Variants in ARK2N observed in about 807,000 individuals in gnomAD.
The protein encoded by ARK2N is arkadia (RNF111) N-terminal like PKA signaling regulator 2N, also known as protein ARK2N.
chr18:46,222,369 A>G, the ARK2N span, among the ~76,000 whole-genome samples: 2 of 152,244 alleles, frequency 1.3e-5, no homozygotes, highest in African/African-American at 2.4e-5. Flanking sequence ...GCACAGTTCT[A>G]TATTAATTAA....
the ARK2N span, chr18:46,173,591 T>G: frequency 1.3e-5 from 2 of 151,782 alleles, no homozygotes; most frequent in African/African-American, 4.8e-5. Flanking sequence ...CTCAGCCGAG[T>G]CTCCCCGAGC....
the ARK2N span, among the ~76,000 whole-genome samples, chr18:46,178,843 G>T: frequency 6.6e-6 from 1 of 151,084 alleles, no homozygotes; most frequent in East Asian, 2.0e-4. Flanking sequence ...GAGCCCAGGG[G>T]TTTGTGGCTG....
the ARK2N span, among the ~76,000 whole-genome samples, chr18:46,175,761 A>G: frequency 2.0e-5 from 3 of 152,146 alleles, no homozygotes; most frequent in Admixed American, 6.5e-5. Context: ...TTGGCTTCCC[A>G]AAGTGCTGGG....
chr18:46,229,760 T>C, the ARK2N span, among the ~76,000 whole-genome samples: 2 of 151,910 alleles, frequency 1.3e-5, no homozygotes, highest in African/African-American at 2.4e-5. Context: ...TGTGCCACCA[T>C]GTCTGGCTAA....
chr18:46,242,223 C>G, the ARK2N span, among the ~76,000 whole-genome samples: 1 of 152,102 alleles, frequency 6.6e-6, no homozygotes, highest in Non-Finnish European at 1.5e-5. Context: ...TAAATATAGA[C>G]CATTTTATGG....
the ARK2N span, among the ~76,000 whole-genome samples, chr18:46,178,866 A>G: frequency 2.0e-5 from 3 of 151,268 alleles, no homozygotes; most frequent in East Asian, 2.0e-4. Context: ...GTGAGTGGTG[A>G]TCATGCCACT....
the ARK2N span, chr18:46,232,026 C>T: frequency 6.6e-6 from 1 of 152,132 alleles, no homozygotes; most frequent in Admixed American, 6.6e-5. Context: ...AGAGTGCTGC[C>T]ACAGCGCTCA....
chr18:46,203,245 C>T, the ARK2N span, among the ~76,000 whole-genome samples: 16 of 152,088 alleles, frequency 1.1e-4, no homozygotes, highest in Non-Finnish European at 2.4e-4. Context: ...TGACAAATGT[C>T]TATCAAGAGT....
At chr18:46,265,936 C>G in the ARK2N span, 1 of 152,416 alleles carries the variant, frequency 6.6e-6, no homozygotes, top group Non-Finnish European at 1.5e-5. Flanking sequence ...GTTTCCACCC[C>G]CTCCAATTTG....
chr18:46,227,025 T>A, the ARK2N span, among the ~76,000 whole-genome samples: 2 of 152,092 alleles, frequency 1.3e-5, no homozygotes, highest in Non-Finnish European at 2.9e-5. Flanking sequence ...GCCAGGCTGA[T>A]CTCGAACTCC....
the ARK2N span, among the ~76,000 whole-genome samples, chr18:46,203,369 A>G: frequency 6.6e-6 from 1 of 152,300 alleles, no homozygotes; most frequent in South Asian, 2.1e-4. Context: ...TTGTTGAACT[A>G]AAGAAACTTG....
At chr18:46,231,693 C>G in the ARK2N span, 1 of 148,564 alleles carries the variant, frequency 6.7e-6, no homozygotes, top group Non-Finnish European at 1.5e-5. Context: ...CAGCAAGAGT[C>G]TCTGGGTCTA....
the ARK2N span, among the ~76,000 whole-genome samples, chr18:46,255,758 CT>C: frequency 9.3e-5 from 14 of 149,796 alleles, no homozygotes; most frequent in Non-Finnish European, 4.5e-5. Flanking sequence ...GCCTCTTTTT[CT>C]TTTTTTTTAA....
chr18:46,188,846 A>C, the ARK2N span, among the ~76,000 whole-genome samples: 14 of 151,990 alleles, frequency 9.2e-5, no homozygotes, highest in Non-Finnish European at 7.4e-5. Flanking sequence ...GGTATGTTGA[A>C]AGATCTGGAG....
chr18:46,194,991 G>A, the ARK2N span, among the ~76,000 whole-genome samples: 1 of 151,172 alleles, frequency 6.6e-6, no homozygotes, highest in Admixed American at 6.6e-5. Context: ...TAGTAGTGAC[G>A]GGGTTTCGCC....
chr18:46,246,871 G>A, the ARK2N span, among the ~76,000 whole-genome samples: 1 of 151,376 alleles, frequency 6.6e-6, no homozygotes, highest in African/African-American at 2.4e-5. Flanking sequence ...AACCCGGGAG[G>A]TGGAGGTTGC....
the ARK2N span, among the ~76,000 whole-genome samples, chr18:46,196,880 T>TAA: frequency 6.6e-6 from 1 of 152,314 alleles, no homozygotes; most frequent in South Asian, 2.1e-4. Context: ...TCAGATTCTT[T>TAA]CCATTTGAAC....
the ARK2N span, among the ~76,000 whole-genome samples, chr18:46,236,028 G>A: frequency 2.6e-5 from 4 of 152,068 alleles, no homozygotes; most frequent in African/African-American, 7.2e-5. Flanking sequence ...TCTATATTTT[G>A]GTATTTGAAA....
the ARK2N span, among the ~76,000 whole-genome samples, chr18:46,221,555 T>TA: frequency 0.063 from 8,438 of 133,078 alleles, 525 homozygotes; most frequent in African/African-American, 0.16. Context: ...AAGACTCCAT[T>TA]AAAAAAAAAA....
Sources: allele counts gnomAD v4.1 joint callset (sites outside exome capture counted in the v4.1 genomes callset), GRCh38; gene constraint gnomAD v4.1.1; transcripts MANE v1.5; gene names NCBI Gene and HGNC (gene_info 2026-07-23, HGNC 2026-07-21).